Variants in VEPH1 observed in about 807,000 individuals in gnomAD.
VEPH1 encodes the protein ventricular zone expressed PH domain containing 1, also known as ventricular zone-expressed PH domain-containing protein homolog 1.
Under a neutral mutation model 85.2 loss-of-function variants are expected in VEPH1, and 80 were observed. The ratio of observed to expected loss-of-function variants is 0.94; its 90% CI spans 0.78 to 1.13. The LOEUF (loss-of-function observed/expected upper bound fraction) is 1.13. Ranked by LOEUF, VEPH1 falls within the 50% of genes most tolerant of loss-of-function variation. VEPH1 has a pLI of 0.00. For synonymous variants in VEPH1, 297 were observed against 348.0 expected (o/e 0.85, Z 1.63); for missense variants, 955 against 980.5 (o/e 0.97, Z 0.35).
At chr3:157,320,577 G>A (rs1425312413) in intron 9 of VEPH1, among the ~76,000 whole-genome samples, 2 of 152,096 alleles carry the variant, frequency 1.3e-5, no homozygotes, top group Non-Finnish European at 2.9e-5. Flanking sequence ...GAAGAGAGAA[G>A]TCATGCTGTC....
chr3:157,259,848 C>G lies in VEPH1; in HGVS notation c.*1286G>C, dbSNP rs1345787696. On this transcript the variant is annotated 3_prime_UTR_variant, in exon 14 of 14. Transcript: ENST00000362010. ...GCTCAGAGTTTCACAAAGCTGCAAGCAAGGCGTTGGCTGGGGCTGGGCTTT... is the reference window on the plus strand; with the variant it reads ...GCTCAGAGTTTCACAAAGCTGCAAGGAAGGCGTTGGCTGGGGCTGGGCTTT... 1.3e-5 allele frequency: 2 copies of G among 152,182 alleles called. No homozygotes were observed. The highest frequency in any genetic ancestry group is 2.4e-5 in the African/African-American group (1 of 41,452). The allele number at this position is 152,182 out of a possible 1,614,324, so 9.4% of individuals were successfully genotyped here. A position where few individuals can be genotyped will look rare whatever the true frequency, so the allele number is the denominator to read the frequency against.
At chr3:157,270,881 C>A (rs373941836) in intron 12 of VEPH1, among the ~76,000 whole-genome samples, 1 of 151,910 alleles carries the variant, frequency 6.6e-6, no homozygotes. Context: ...CATGTTACAG[C>A]ATTTGAAGAG....
chr3:157,381,716 C>A, intron 6 of VEPH1: 1 of 204,582 alleles, frequency 4.9e-6, no homozygotes, highest in Non-Finnish European at 9.9e-6. Flanking sequence ...GAGACTCGGT[C>A]TCAGAAAAAA....
intron 4 of VEPH1, among the ~76,000 whole-genome samples, chr3:157,458,195 G>A (rs1338452361): frequency 6.6e-6 from 1 of 152,036 alleles, no homozygotes; most frequent in Admixed American, 6.6e-5. Flanking sequence ...ATTTCTGTGG[G>A]GTCAATAGTA....
chr3:157,355,419 G>T (rs1193224094), intron 9 of VEPH1, among the ~76,000 whole-genome samples: 1 of 152,188 alleles, frequency 6.6e-6, no homozygotes, highest in Non-Finnish European at 1.5e-5. Flanking sequence ...AACCTTTCAG[G>T]CATCACTAAC....
intron 2 of VEPH1, among the ~76,000 whole-genome samples, chr3:157,479,470 C>T (rs1020683700): frequency 6.6e-6 from 1 of 152,184 alleles, no homozygotes; most frequent in African/African-American, 2.4e-5. Context: ...TCACTCTTAC[C>T]TACTCTGAAA....
chr3:157,304,023 T>A (rs74590380), intron 11 of VEPH1, among the ~76,000 whole-genome samples: 40,144 of 80,748 alleles, frequency 0.5, 9,955 homozygotes, highest in East Asian at 0.56. Context: ...CTTATATTTT[T>A]TATATATATA....
chr3:157,372,680 C>T (rs555354996), intron 7 of VEPH1, among the ~76,000 whole-genome samples: 89 of 152,180 alleles, frequency 5.8e-4, no homozygotes, highest in African/African-American at 1.8e-3. Flanking sequence ...ACATTTAATA[C>T]GGTAGCTTTT....
chr3:157,459,783 A>G, intron 4 of VEPH1: 1 of 1,474,958 alleles, frequency 6.8e-7, no homozygotes, highest in Non-Finnish European at 9.0e-7. Flanking sequence ...ATCTAACAAA[A>G]GACATTTCTT....
intron 2 of VEPH1, chr3:157,488,910 T>TTC (rs58292793): frequency 0.023 from 2,991 of 127,576 alleles, 42 homozygotes; most frequent in South Asian, 0.033. Flanking sequence ...CTTAAGTTCG[T>TTC]TCTCTCTCTC....
intron 4 of VEPH1, chr3:157,443,004 C>T: frequency 3.8e-6 from 6 of 1,566,640 alleles, no homozygotes; most frequent in Non-Finnish European, 5.2e-6. Context: ...CACTTGAAGC[C>T]AAAGAAAGAA....
At chr3:157,480,731 C>T (rs1822398) in intron 2 of VEPH1, among the ~76,000 whole-genome samples, 12,587 of 152,150 alleles carry the variant, frequency 0.083, 769 homozygotes, top group Middle Eastern at 0.14. Flanking sequence ...CATGTCTTTG[C>T]TATTGTGAAT....
At chr3:157,302,045 C>T (rs1379514385) in intron 11 of VEPH1, among the ~76,000 whole-genome samples, 1 of 152,138 alleles carries the variant, frequency 6.6e-6, no homozygotes, top group African/African-American at 2.4e-5. Flanking sequence ...CCAGTTTTAT[C>T]CACCTTAATA....
At chr3:157,482,782 T>C (rs1485385733) in intron 2 of VEPH1, among the ~76,000 whole-genome samples, 1 of 152,194 alleles carries the variant, frequency 6.6e-6, no homozygotes, top group Non-Finnish European at 1.5e-5. Flanking sequence ...TTGTTTTGGC[T>C]CTCATCTTGA....
chr3:157,422,212 A>T (rs1414624123), intron 5 of VEPH1, among the ~76,000 whole-genome samples: 2 of 152,084 alleles, frequency 1.3e-5, no homozygotes, highest in Non-Finnish European at 2.9e-5. Context: ...TGGTTTTAGG[A>T]TGGTTTTAGG....
chr3:157,449,521 T>C (rs956211421), intron 4 of VEPH1, among the ~76,000 whole-genome samples: 5 of 152,182 alleles, frequency 3.3e-5, no homozygotes, highest in Non-Finnish European at 7.3e-5. Context: ...TATTCATGGG[T>C]TATTTACCTA....
At position 157,491,630 on chromosome 3, in the gene VEPH1, T is replaced by C. The variant is rs117824462; in HGVS notation, c.138+3582A>G. On this transcript the variant is annotated intron_variant, in intron 2 of 13. Transcript: ENST00000362010. Reference sequence around the variant, plus strand: ...TTTGTGAGTGGCTTTGGGGGAAGGATTGGAGGCTTGTTTGCCACATTTTTG... The same window carrying C: ...TTTGTGAGTGGCTTTGGGGGAAGGACTGGAGGCTTGTTTGCCACATTTTTG... 7.4e-3 allele frequency among the ~76,000 whole-genome samples: 1,133 copies of C among 152,158 alleles called. 22 individuals are homozygous for C. Among genetic ancestry groups the C allele is most frequent in the East Asian group, 0.067 (346 of 5,170 alleles).
intron 4 of VEPH1, among the ~76,000 whole-genome samples, chr3:157,455,283 C>T (rs775961570): frequency 3.3e-5 from 5 of 152,142 alleles, no homozygotes; most frequent in Non-Finnish European, 7.4e-5. Flanking sequence ...TAATAACAGA[C>T]ATTTTGACTG....
At chr3:157,301,559 TC>T (rs1036529198) in intron 11 of VEPH1, among the ~76,000 whole-genome samples, 7 of 152,310 alleles carry the variant, frequency 4.6e-5, no homozygotes, top group Admixed American at 4.6e-4. Flanking sequence ...CTTTACTCGT[TC>T]CTTCTTGTTC....
Sources: gnomAD v4.1 joint callset for allele counts (sites outside exome capture counted in the v4.1 genomes callset) on GRCh38, gnomAD v4.1.1 for gene constraint, MANE v1.5 for transcripts, NCBI Gene and HGNC (gene_info 2026-07-23, HGNC 2026-07-21) for gene names.